The following PGGT1B variants were observed in gnomAD, a reference collection of about 807,000 sequenced individuals.
PGGT1B encodes geranylgeranyl transferase type-1 subunit beta.
Under a neutral mutation model 46.1 loss-of-function variants are expected in PGGT1B, and 30 were observed. The ratio of observed to expected loss-of-function variants is 0.65; its 90% CI spans 0.49 to 0.88. The LOEUF is 0.88. Among genes scored for constraint, PGGT1B ranks in the 40% least tolerant of loss-of-function variants. The pLI, the probability that PGGT1B is intolerant of heterozygous loss-of-function variation, is 0.00. For synonymous variants in PGGT1B, 170 were observed against 160.0 expected, an observed-to-expected ratio of 1.06 and a Z score of -0.47; for missense variants, 376 against 455.9, an observed-to-expected ratio of 0.82 and a Z score of 1.60.
At chr5:115,226,674 G>T (rs554574766) in intron 6 of PGGT1B, among the ~76,000 whole-genome samples, 1 of 152,038 alleles carries the variant, frequency 6.6e-6, no homozygotes, top group Admixed American at 6.6e-5. Context: ...GTGGAATACA[G>T]GATAACTAAT....
intron 2 of PGGT1B, among the ~76,000 whole-genome samples, chr5:115,242,137 T>C (rs1009393420): frequency 6.6e-6 from 1 of 152,250 alleles, no homozygotes; most frequent in African/African-American, 2.4e-5. Flanking sequence ...ACCTTCGTTC[T>C]GAGTCCAGTA....
intron 3 of PGGT1B, among the ~76,000 whole-genome samples, chr5:115,238,291 A>ATTTTTTTTTTTTTTTTTTT (rs35711954): frequency 1.3e-4 from 6 of 46,962 alleles, no homozygotes; most frequent in Non-Finnish European, 1.6e-4. Context: ...ATTTTTTTGG[A>ATTTTTTTTTTTTTTTTTTT]TTTTTTTTTT....
At chr5:115,259,283 T>G (rs1157294386) in intron 1 of PGGT1B, among the ~76,000 whole-genome samples, 1 of 152,128 alleles carries the variant, frequency 6.6e-6, no homozygotes, top group African/African-American at 2.4e-5. Flanking sequence ...CAGAATCCAA[T>G]GAAGGTCTGG....
chr5:115,243,819 T>C (rs1322514355), intron 2 of PGGT1B, among the ~76,000 whole-genome samples: 1 of 152,114 alleles, frequency 6.6e-6, no homozygotes, highest in East Asian at 1.9e-4. Context: ...TGCTGGTAGG[T>C]ATCCCTTTTT....
intron 1 of PGGT1B, 37 bp downstream of exon 1, chr5:115,262,675 G>C (rs1162612230): frequency 6.3e-7 from 1 of 1,575,834 alleles, no homozygotes; most frequent in African/African-American, 1.3e-5. Context: ...TGGAGCCCGG[G>C]CCTTGTGCCA....
At chr5:115,213,201 C>A (rs562959828) in intron 8 of PGGT1B, among the ~76,000 whole-genome samples, 3 of 152,202 alleles carry the variant, frequency 2.0e-5, no homozygotes, top group Non-Finnish European at 1.5e-5. Context: ...ACAATAAAAA[C>A]AAACTCACAT....
chr5:115,258,012 G>A (rs1056945321), intron 1 of PGGT1B, among the ~76,000 whole-genome samples: 1 of 152,084 alleles, frequency 6.6e-6, no homozygotes, highest in Non-Finnish European at 1.5e-5. Context: ...ATTTTTCAAT[G>A]GCTGATTCAA....
chr5:115,227,676 C>T (rs1756830620), intron 6 of PGGT1B, among the ~76,000 whole-genome samples: 1 of 152,184 alleles, frequency 6.6e-6, no homozygotes, highest in South Asian at 2.1e-4. Flanking sequence ...CCTCCAACTA[C>T]CCCTTTTAGG....
chr5:115,219,812 T>G (rs1417472299), intron 7 of PGGT1B, among the ~76,000 whole-genome samples: 1 of 151,636 alleles, frequency 6.6e-6, no homozygotes, highest in African/African-American at 2.4e-5. Flanking sequence ...GATATACAAA[T>G]GACCAATAAG....
At chr5:115,260,013 A>G (rs1202681596) in intron 1 of PGGT1B, among the ~76,000 whole-genome samples, 1 of 152,188 alleles carries the variant, frequency 6.6e-6, no homozygotes, top group Non-Finnish European at 1.5e-5. Context: ...ACTACTTATA[A>G]AAGAAACCTG....
chr5:115,234,385 G>C (rs947171039), intron 5 of PGGT1B, among the ~76,000 whole-genome samples: 1 of 151,882 alleles, frequency 6.6e-6, no homozygotes, highest in Non-Finnish European at 1.5e-5. Flanking sequence ...TTAAGAAGAG[G>C]GGGGAATACA....
intron 1 of PGGT1B, among the ~76,000 whole-genome samples, chr5:115,260,952 T>C (rs758357710): frequency 6.6e-6 from 1 of 152,320 alleles, no homozygotes; most frequent in East Asian, 1.9e-4. Context: ...GAAAATTAAA[T>C]CACAGACTTA....
In PGGT1B at chr5:115,240,245, T is replaced by G. The variant is rs192874411; in HGVS notation, c.327+1294A>C. On this transcript the variant is annotated intron_variant, in intron 3 of 8. Transcript: ENST00000419445. ...CTCTGTGAACCAAGGGCAATAATGG[T>G]TTTTTCTTCAATTTTACTCCTGTTA... 1.4e-4 allele frequency among the ~76,000 whole-genome samples: 22 copies of G among 152,242 alleles called. No individual in the cohort carries two copies. The East Asian group carries it at 3.3e-3, about 23-fold the overall frequency.
At chr5:115,241,685 T>C in intron 2 of PGGT1B, 79 bp from the exon 3 acceptor site, 1 of 1,025,688 alleles carries the variant, frequency 9.7e-7, no homozygotes, top group Non-Finnish European at 1.4e-6. Context: ...TTACACAATC[T>C]TTCAGAAACA....
At chr5:115,224,959 G>T (rs929963084) in intron 6 of PGGT1B, among the ~76,000 whole-genome samples, 2 of 151,826 alleles carry the variant, frequency 1.3e-5, no homozygotes, top group Non-Finnish European at 2.9e-5. Context: ...ACAGGCACAA[G>T]AACTAAAATG....
At chr5:115,220,545 A>G (rs1330003246) in intron 7 of PGGT1B, among the ~76,000 whole-genome samples, 1 of 151,924 alleles carries the variant, frequency 6.6e-6, no homozygotes, top group East Asian at 1.9e-4. Flanking sequence ...AACATTGTAA[A>G]TGGAATTAAT....
rs1756075505 is a variant in PGGT1B at position 115,206,693 on chromosome 5, G to T, written c.*5709C>A. 6.6e-6 allele frequency: 1 copy of T among 151,884 alleles called. No individual in the cohort carries two copies. The highest frequency in any genetic ancestry group is 2.4e-5 in the African/African-American group (1 of 41,370). 9.4% of individuals were successfully genotyped at this position (151,884 alleles called of 1,614,324 possible). On this transcript the variant is annotated 3_prime_UTR_variant, in exon 9 of 9. Coordinates refer to ENST00000419445, the MANE Select transcript of PGGT1B (RefSeq NM_005023.4). ...TATTTTTCACAATTACAAAAATGTG[G>T]CTGTGAGATCCTTGAAAATGTATCA...
In PGGT1B at chr5:115,205,288, T is replaced by A. The variant is rs886854329; in HGVS notation, c.*7114A>T. The stretch of plus-strand genomic sequence containing the variant: ...ACAAGTAGATGCAAACATACATGAG[T>A]GAGGTCCCATGTACCAATCACCAAC... On this transcript the variant is annotated 3_prime_UTR_variant, in exon 9 of 9. Coordinates refer to ENST00000419445, the MANE Select transcript of PGGT1B (RefSeq NM_005023.4). 2.0e-5 allele frequency: 3 copies of A among 152,126 alleles called. No individual in the cohort carries two copies. The highest frequency in any genetic ancestry group is 2.9e-5 in the Non-Finnish European group (2 of 67,992). 9.4% of individuals were successfully genotyped at this position (152,126 alleles called of 1,614,324 possible). A position where few individuals can be genotyped will look rare whatever the true frequency, so the allele number is the denominator to read the frequency against.
chr5:115,245,815 G>A (rs887988559), intron 2 of PGGT1B, among the ~76,000 whole-genome samples: 2 of 152,194 alleles, frequency 1.3e-5, no homozygotes, highest in African/African-American at 4.8e-5. Flanking sequence ...AGACAATGTA[G>A]TATTTTTTGC....
Sources: allele counts gnomAD v4.1 joint callset (sites outside exome capture counted in the v4.1 genomes callset), GRCh38; gene constraint gnomAD v4.1.1; transcripts MANE v1.5; gene names NCBI Gene and HGNC (gene_info 2026-07-23, HGNC 2026-07-21).